The following SLC30A7 variants were observed in gnomAD, a reference collection of about 807,000 sequenced individuals.
The protein encoded by SLC30A7 is zinc transporter 7.
SLC30A7 carries 35 observed loss-of-function variants against 46.0 expected under a neutral mutation model. The observed-to-expected ratio is 0.76, with a 90% CI of 0.58 to 1.01. The LOEUF (loss-of-function observed/expected upper bound fraction) is 1.01. SLC30A7 is among the 50% of genes least tolerant of loss of function. The probability of loss-of-function intolerance (pLI) is 0.00; values close to 1 mark genes in which losing one functional copy is unlikely to be tolerated. For synonymous variants in SLC30A7, 147 were observed against 157.8 expected, an observed-to-expected ratio of 0.93 and a Z score of 0.51; for missense variants, 464 against 451.1, an observed-to-expected ratio of 1.03 and a Z score of -0.26.
At chr1:100,943,017 A>T (rs531519893) in intron 8 of SLC30A7, among the ~76,000 whole-genome samples, 16 of 152,298 alleles carry the variant, frequency 1.1e-4, no homozygotes, top group African/African-American at 3.6e-4. Flanking sequence ...AAGGCTCAAA[A>T]TGTTTTGAAG....
At chr1:100,937,109 T>C (rs1309694445) in intron 8 of SLC30A7, among the ~76,000 whole-genome samples, 1 of 152,204 alleles carries the variant, frequency 6.6e-6, no homozygotes, top group Non-Finnish European at 1.5e-5. Flanking sequence ...TTATTATTTA[T>C]TTACCTTCTC....
chr1:100,954,188 C>T (rs1457675154), intron 8 of SLC30A7, among the ~76,000 whole-genome samples: 1 of 152,148 alleles, frequency 6.6e-6, no homozygotes, highest in Admixed American at 6.5e-5. Context: ...TTCTTATTCT[C>T]TTCACTCTAG....
At chr1:100,963,035 T>C (rs926458846) in intron 9 of SLC30A7, among the ~76,000 whole-genome samples, 9 of 152,172 alleles carry the variant, frequency 5.9e-5, no homozygotes, top group Non-Finnish European at 1.3e-4. Context: ...TGAAGAGTTC[T>C]ATTCTGGATA....
At chr1:100,916,551 C>T (rs1397140119) in intron 6 of SLC30A7, among the ~76,000 whole-genome samples, 1 of 152,088 alleles carries the variant, frequency 6.6e-6, no homozygotes, top group African/African-American at 2.4e-5. Flanking sequence ...GAAATAATCA[C>T]ATCATGGAGA....
intron 8 of SLC30A7, among the ~76,000 whole-genome samples, chr1:100,942,864 G>A (rs1654433975): frequency 6.6e-6 from 1 of 152,208 alleles, no homozygotes; most frequent in Non-Finnish European, 1.5e-5. Flanking sequence ...ACAGTGAAGA[G>A]AGAATGGGGC....
intron 6 of SLC30A7, among the ~76,000 whole-genome samples, chr1:100,916,160 C>T (rs976900007): frequency 6.6e-6 from 1 of 150,972 alleles, no homozygotes; most frequent in East Asian, 1.9e-4. Context: ...TTTGTGGGTA[C>T]ATAGTAGCTG....
chr1:100,961,805 ATTG>A lies in SLC30A7; in HGVS notation c.843-18_843-16del. ...GATTAGCAGAATGTGACTTTAATAA[ATTG>A]TTGTCTTCCTTTTCCTTAGTGTTAT... On this transcript the variant is annotated intron_variant, in intron 8 of 10. Transcript: ENST00000357650. The A allele has an allele frequency of 1.4e-6, 2 of 1,457,738 alleles. No homozygotes were observed. Among genetic ancestry groups the A allele is most frequent in the Non-Finnish European group, 1.9e-6 (2 of 1,048,282 alleles). 90.3% of individuals were successfully genotyped at this position (1,457,738 alleles called of 1,614,324 possible).
downstream of SLC30A7, among the ~76,000 whole-genome samples, chr1:100,983,953 T>C (rs115220756): frequency 5.7e-3 from 864 of 152,324 alleles, no homozygotes; most frequent in Non-Finnish European, 9.1e-3. Context: ...CAGGGTTTAT[T>C]GTCCTGTATG....
At chr1:100,989,381 T>C in the SLC30A7 span, among the ~76,000 whole-genome samples, 19 of 152,226 alleles carry the variant, frequency 1.2e-4, no homozygotes, top group Non-Finnish European at 2.4e-4. Context: ...TAAACAATCT[T>C]ATAACCTCCA....
At chr1:100,952,275 T>C (rs1166852594) in intron 8 of SLC30A7, among the ~76,000 whole-genome samples, 1 of 152,240 alleles carries the variant, frequency 6.6e-6, no homozygotes, top group Non-Finnish European at 1.5e-5. Flanking sequence ...TTTTAACTTT[T>C]TAGCTGTGTG....
chr1:100,949,352 A>C (rs2101068138), intron 8 of SLC30A7, among the ~76,000 whole-genome samples: 1 of 152,192 alleles, frequency 6.6e-6, no homozygotes, highest in East Asian at 1.9e-4. Context: ...GCAGAACAGC[A>C]AATATTGCTG....
At chr1:100,941,619 C>T in intron 8 of SLC30A7, 2 of 592,678 alleles carry the variant, frequency 3.4e-6, no homozygotes, top group Non-Finnish European at 6.4e-6. Context: ...TCAGTATACT[C>T]TTTAATGCCA....
chr1:100,896,670 T>C lies in SLC30A7; in HGVS notation c.181T>C (p.Cys61Arg). Reference sequence around the variant, plus strand: ...ACTACTCTACGGCATCTGGAGCAACTGGTAACCAAAGGGGAAAATGGTTTG... The same window carrying C: ...ACTACTCTACGGCATCTGGAGCAACCGGTAACCAAAGGGGAAAATGGTTTG... ...VELLYGIWSN[C>R]LGLISDSFHM... The change falls in exon 2 of 11, where the codon TGC becomes CGC. Residue 61 changes from cysteine (C) to arginine (R), a missense_variant and splice_region_variant. By Grantham distance (180) the Cys-to-Arg change is radical. Transcript: ENST00000357650. The C allele has an allele frequency of 6.2e-7, 1 of 1,613,528 alleles. No individual in the cohort carries two copies. The highest frequency in any genetic ancestry group is 8.5e-7 in the Non-Finnish European group (1 of 1,179,590).
chr1:100,927,595 A>C (rs1048301007), intron 8 of SLC30A7, among the ~76,000 whole-genome samples: 2 of 152,216 alleles, frequency 1.3e-5, no homozygotes, highest in South Asian at 2.1e-4. Context: ...GTTTGTGGTC[A>C]TGAATTTAAA....
At chr1:100,958,304 G>A (rs1473813827) in intron 8 of SLC30A7, among the ~76,000 whole-genome samples, 1 of 152,118 alleles carries the variant, frequency 6.6e-6, no homozygotes, top group Non-Finnish European at 1.5e-5. Context: ...AGCCTCCTGA[G>A]TAGCTGGGAC....
intron 10 of SLC30A7, chr1:100,972,264 C>A: frequency 2.9e-6 from 1 of 345,202 alleles, no homozygotes; most frequent in Non-Finnish European, 6.1e-6. Flanking sequence ...CCACTTTTCT[C>A]TTTACTTTAA....
intron 8 of SLC30A7, chr1:100,941,949 G>T: frequency 3.4e-6 from 1 of 297,092 alleles, no homozygotes; most frequent in South Asian, 4.2e-5. Context: ...TGAAAATGAA[G>T]AGCTTCCACA....
rs1656633740 is a variant in SLC30A7, at chr1:100,977,812, GGCGC to G, written c.*2956_*2959del. The G allele has an allele frequency of 6.6e-6, 1 of 152,132 alleles. No homozygotes were observed. Among genetic ancestry groups the G allele is most frequent in the Non-Finnish European group, 1.5e-5 (1 of 68,078 alleles). The allele number at this position is 152,132 out of a possible 1,614,324, so 9.4% of individuals were successfully genotyped here. A position where few individuals can be genotyped will look rare whatever the true frequency, so the allele number is the denominator to read the frequency against. On this transcript the variant is annotated 3_prime_UTR_variant, in exon 11 of 11. Coordinates refer to ENST00000357650, the MANE Select transcript of SLC30A7 (RefSeq NM_133496.5). ...CTTGTCGCCCAGGCTGGAGTGTAGT[GGCGC>G]AGTCTCAGCTCACTGCAACCTCCAC...
chr1:100,916,421 G>A (rs956227204), intron 6 of SLC30A7, among the ~76,000 whole-genome samples: 1 of 152,070 alleles, frequency 6.6e-6, no homozygotes, highest in Non-Finnish European at 1.5e-5. Context: ...TCCTGACATC[G>A]TGATCCACCT....
Sources: gnomAD v4.1 joint callset for allele counts (sites outside exome capture counted in the v4.1 genomes callset) on GRCh38, gnomAD v4.1.1 for gene constraint, MANE v1.5 for transcripts, NCBI Gene and HGNC (gene_info 2026-07-23, HGNC 2026-07-21) for gene names.